Variants in PACRG observed in about 807,000 individuals in gnomAD.
The protein encoded by PACRG is parkin coregulated.
In PACRG, 29 loss-of-function variants were observed where a neutral mutation model predicts 29.7. The observed-to-expected ratio is 0.98, with a 90% CI of 0.73 to 1.33. The LOEUF is 1.33. Ranked by LOEUF, PACRG falls within the 40% of genes most tolerant of loss-of-function variation. PACRG has a pLI of 0.00. For synonymous variants in PACRG, 116 were observed against 118.7 expected (o/e 0.98, Z 0.15); for missense variants, 279 against 316.2 (o/e 0.88, Z 0.89).
intron 4 of PACRG, among the ~76,000 whole-genome samples, chr6:163,273,733 G>A (rs1303679142): frequency 2.0e-5 from 3 of 151,614 alleles, no homozygotes; most frequent in African/African-American, 7.3e-5. Flanking sequence ...ATTAGATATT[G>A]GCTCATATAT....
At chr6:163,164,993 G>A (rs895509626) in intron 4 of PACRG, among the ~76,000 whole-genome samples, 10 of 152,174 alleles carry the variant, frequency 6.6e-5, no homozygotes, top group East Asian at 1.9e-4. Context: ...AGGTTAAAAA[G>A]CCAAAAGCAT....
chr6:163,208,583 C>G (rs563408485), intron 4 of PACRG, among the ~76,000 whole-genome samples: 5 of 152,136 alleles, frequency 3.3e-5, no homozygotes, highest in African/African-American at 1.2e-4. Flanking sequence ...TGGCTAAGCA[C>G]ACGTTTGGAT....
rs776561368 is a variant in PACRG, at chr6:163,281,266, G to A, written c.614-33561G>A. On this transcript the variant is annotated intron_variant, in intron 4 of 4. Transcript: ENST00000366888. ...GCAGGGCTCAAGAAACGGCAGCAAG[G>A]CTACTGGGAAAAACACCCTCAGGAG... Among the ~76,000 whole-genome samples, 4 of 152,158 alleles carry A rather than the reference G, an allele frequency of 2.6e-5. No homozygotes were observed. In the East Asian group the frequency reaches 7.7e-4, roughly 29 times the overall value.
At chr6:162,763,569 G>GC (rs1782547639) in intron 1 of PACRG, among the ~76,000 whole-genome samples, 1 of 152,104 alleles carries the variant, frequency 6.6e-6, no homozygotes, top group Admixed American at 6.6e-5. Flanking sequence ...ATATTCACAG[G>GC]CTCTGTTCTC....
chr6:162,789,699 A>G (rs531239506), intron 1 of PACRG, among the ~76,000 whole-genome samples: 1 of 152,142 alleles, frequency 6.6e-6, no homozygotes, highest in Non-Finnish European at 1.5e-5. Context: ...ATTATCAGGT[A>G]TTGATTTAGA....
chr6:163,183,966 C>T (rs1162859837), intron 4 of PACRG, among the ~76,000 whole-genome samples: 1 of 152,186 alleles, frequency 6.6e-6, no homozygotes, highest in Non-Finnish European at 1.5e-5. Context: ...TAATGGGTGT[C>T]TTACTCACTG....
chr6:163,148,207 C>A (rs146627938), intron 4 of PACRG, among the ~76,000 whole-genome samples: 3 of 152,156 alleles, frequency 2.0e-5, no homozygotes, highest in African/African-American at 7.2e-5. Context: ...TTTTGAGCAT[C>A]CATGGCCATT....
At chr6:163,030,192 A>G (rs1234010965) in intron 2 of PACRG, among the ~76,000 whole-genome samples, 1 of 147,498 alleles carries the variant, frequency 6.8e-6, no homozygotes, top group Admixed American at 6.8e-5. Context: ...TCACTGGCAT[A>G]TGAAACTATA....
chr6:163,101,063 T>C (rs1815058106), intron 4 of PACRG: 1 of 982,362 alleles, frequency 1.0e-6, no homozygotes, highest in Non-Finnish European at 1.2e-6. Context: ...TATATTCATT[T>C]TGAGGCGGTC....
At chr6:162,871,948 CA>C (rs922208899) in intron 2 of PACRG, among the ~76,000 whole-genome samples, 1 of 150,158 alleles carries the variant, frequency 6.7e-6, no homozygotes, top group Non-Finnish European at 1.5e-5. Context: ...CAAAACAAAA[CA>C]AAAAAAAACA....
chr6:162,988,183 T>C (rs1803074603), intron 2 of PACRG, among the ~76,000 whole-genome samples: 1 of 152,196 alleles, frequency 6.6e-6, no homozygotes, highest in South Asian at 2.1e-4. Context: ...AAGTGGGAGC[T>C]GCATGTTAGC....
At chr6:163,225,930 G>T (rs1394958442) in intron 4 of PACRG, among the ~76,000 whole-genome samples, 1 of 152,144 alleles carries the variant, frequency 6.6e-6, no homozygotes, top group Non-Finnish European at 1.5e-5. Context: ...TGTAATCCTA[G>T]CACTTTGAGA....
chr6:163,296,225 C>T (rs78979650), intron 4 of PACRG, among the ~76,000 whole-genome samples: 2,141 of 152,236 alleles, frequency 0.014, 42 homozygotes, highest in African/African-American at 0.048. Flanking sequence ...CATTGTGTTC[C>T]TTCAAGCAGG....
intron 3 of PACRG, among the ~76,000 whole-genome samples, chr6:163,065,873 C>T (rs1439136916): frequency 2.0e-5 from 3 of 152,096 alleles, no homozygotes; most frequent in African/African-American, 4.8e-5. Context: ...ATAAATGCAA[C>T]GTTAAGGCGC....
At chr6:162,958,401 A>G (rs1800231522) in intron 2 of PACRG, among the ~76,000 whole-genome samples, 1 of 152,136 alleles carries the variant, frequency 6.6e-6, no homozygotes, top group Non-Finnish European at 1.5e-5. Flanking sequence ...AATGGCTCAT[A>G]TACAATTCTT....
chr6:163,108,485 C>T (rs758741655), intron 4 of PACRG, among the ~76,000 whole-genome samples: 9 of 148,770 alleles, frequency 6.0e-5, no homozygotes, highest in African/African-American at 1.2e-4. Flanking sequence ...GCCTCTGCCT[C>T]CCAGGTTCAA....
intron 4 of PACRG, among the ~76,000 whole-genome samples, chr6:163,237,576 G>A (rs1448355970): frequency 6.6e-6 from 1 of 152,114 alleles, no homozygotes; most frequent in South Asian, 2.1e-4. Context: ...ATATAATAAT[G>A]TCCTTTTTAA....
chr6:163,168,984 A>T (rs1778944334), intron 4 of PACRG, among the ~76,000 whole-genome samples: 1 of 152,244 alleles, frequency 6.6e-6, no homozygotes, highest in African/African-American at 2.4e-5. Context: ...GAAGCTAATC[A>T]ATTTAATAAC....
intron 2 of PACRG, chr6:162,957,305 G>T: frequency 1.7e-6 from 1 of 580,238 alleles, no homozygotes; most frequent in Non-Finnish European, 3.2e-6. Flanking sequence ...AAGAAAGCAC[G>T]CTTGATCCTG....
Sources: allele counts gnomAD v4.1 joint callset (sites outside exome capture counted in the v4.1 genomes callset), GRCh38; gene constraint gnomAD v4.1.1; transcripts MANE v1.5; gene names NCBI Gene and HGNC (gene_info 2026-07-23, HGNC 2026-07-21).